IMMT: variants seen among roughly 807,000 people sequenced by gnomAD.
IMMT encodes the protein inner membrane mitochondrial protein.
In IMMT, 40 loss-of-function variants were observed where a neutral mutation model predicts 92.7. The ratio of observed to expected loss-of-function variants is 0.43; its 90% CI spans 0.34 to 0.56. The LOEUF is 0.56. Ranked by LOEUF, IMMT falls within the 20% of genes least tolerant of loss-of-function variation. The probability of loss-of-function intolerance (pLI) is 0.03; values close to 1 mark genes in which losing one functional copy is unlikely to be tolerated. For missense variants in IMMT, 831 were observed against 912.1 expected (o/e 0.91, Z 1.14); for synonymous variants, 322 against 336.1 (o/e 0.96, Z 0.46).
At chr2:86,183,746 A>C (rs1672579833) in intron 1 of IMMT, among the ~76,000 whole-genome samples, 1 of 152,056 alleles carries the variant, frequency 6.6e-6, no homozygotes, top group South Asian at 2.1e-4. Context: ...GACTTTCCCC[A>C]CCTTTACACA....
intron 3 of IMMT, among the ~76,000 whole-genome samples, chr2:86,177,541 CA>C: frequency 6.6e-6 from 1 of 151,712 alleles, no homozygotes; most frequent in Non-Finnish European, 1.5e-5. Flanking sequence ...GCAGAAGTTG[CA>C]GTGATCCGAG....
At chr2:86,173,895 T>C (rs1677262922) in intron 3 of IMMT, 134 bp from the exon 4 acceptor site, 1 of 573,164 alleles carries the variant, frequency 1.7e-6, no homozygotes, top group African/African-American at 1.9e-5. Flanking sequence ...AACATATGTA[T>C]TTTATTAAAC....
chr2:86,147,321 A>C (rs557872269), intron 13 of IMMT, among the ~76,000 whole-genome samples: 1 of 152,338 alleles, frequency 6.6e-6, no homozygotes, highest in South Asian at 2.1e-4. Flanking sequence ...CTTGAATAGA[A>C]ACTATGATTA....
chr2:86,180,150 T>C (rs1672335546), intron 2 of IMMT, among the ~76,000 whole-genome samples: 1 of 152,186 alleles, frequency 6.6e-6, no homozygotes, highest in Non-Finnish European at 1.5e-5. Context: ...TCTAGAAATC[T>C]ACCCTTTAAC....
At chr2:86,189,031 A>T (rs1337025605) in intron 1 of IMMT, among the ~76,000 whole-genome samples, 2 of 152,130 alleles carry the variant, frequency 1.3e-5, no homozygotes, top group Non-Finnish European at 2.9e-5. Context: ...TATTAACATA[A>T]ACTAAATATC....
At chr2:86,172,426 C>T (rs191583736) in intron 4 of IMMT, among the ~76,000 whole-genome samples, 2 of 152,258 alleles carry the variant, frequency 1.3e-5, no homozygotes, top group East Asian at 3.9e-4. Flanking sequence ...TCACTGCAGC[C>T]TCAACCTCCT....
At position 86,162,126 on chromosome 2, in the gene IMMT, C is replaced by T. The variant is rs1481207548; in HGVS notation, c.793-47G>A. ...TATAATAAATAACTGCTATTATTGT[C>T]ATATGATAGGCCAACAAGATTGAAC... On this transcript the variant is annotated intron_variant, in intron 7 of 14. Transcript: ENST00000410111. 6 of 1,177,528 alleles carry T rather than the reference C, an allele frequency of 5.1e-6. No homozygotes were observed. The East Asian group carries it at 1.3e-4, about 26-fold the overall frequency. 72.9% of individuals were successfully genotyped at this position (1,177,528 alleles called of 1,614,324 possible).
rs779833457 is a variant in IMMT at position 86,189,971 on chromosome 2, T to C, written c.45+5367A>G. Among the ~76,000 whole-genome samples the C allele has an allele frequency of 5.3e-5, 8 of 152,362 alleles. No individual in the cohort carries two copies. In the Middle Eastern group the frequency reaches 0.01, roughly 194 times the overall value. ...TAGGAGAACACGTGCTCTTTAGTTATAGAAATGGCAGATACTTATCAGTAT... is the reference window on the plus strand; with the variant it reads ...TAGGAGAACACGTGCTCTTTAGTTACAGAAATGGCAGATACTTATCAGTAT... On this transcript the variant is annotated intron_variant, in intron 1 of 14. Coordinates refer to ENST00000410111, the MANE Select transcript of IMMT (RefSeq NM_006839.3).
chr2:86,184,465 T>C (rs1049987726), intron 1 of IMMT, among the ~76,000 whole-genome samples: 5 of 152,126 alleles, frequency 3.3e-5, no homozygotes, highest in Admixed American at 1.3e-4. Context: ...ATTTACATAA[T>C]TTATATATTA....
At chr2:86,184,787 T>G (rs947426006) in intron 1 of IMMT, among the ~76,000 whole-genome samples, 1 of 151,850 alleles carries the variant, frequency 6.6e-6, no homozygotes, top group Admixed American at 6.6e-5. Context: ...ATTCTTGTTA[T>G]GTAGTGACAG....
At chr2:86,187,279 A>G (rs963009061) in intron 1 of IMMT, among the ~76,000 whole-genome samples, 3 of 152,134 alleles carry the variant, frequency 2.0e-5, no homozygotes, top group African/African-American at 7.2e-5. Context: ...CCTGTTTGAG[A>G]TATTTTGTAT....
chr2:86,177,858 C>G (rs558036848), intron 3 of IMMT, among the ~76,000 whole-genome samples: 1 of 152,240 alleles, frequency 6.6e-6, no homozygotes, highest in South Asian at 2.1e-4. Context: ...ATATAGATGT[C>G]CCCCTCAGTC....
chr2:86,157,794 A>C (rs1675958401), intron 10 of IMMT, among the ~76,000 whole-genome samples: 1 of 132,582 alleles, frequency 7.5e-6, no homozygotes, highest in Non-Finnish European at 1.7e-5. Context: ...GTCTCAAAAA[A>C]AAAAAAAAAG....
At chr2:86,152,759 CA>C (rs398104518) in intron 11 of IMMT, among the ~76,000 whole-genome samples, 2 of 148,198 alleles carry the variant, frequency 1.3e-5, no homozygotes, top group Non-Finnish European at 1.5e-5. Flanking sequence ...GACCTTGTCT[CA>C]AAAAAAAAAG....
At chr2:86,176,978 T>G (rs3770061) in intron 3 of IMMT, among the ~76,000 whole-genome samples, 69,919 of 152,106 alleles carry the variant, frequency 0.46, 16,622 homozygotes, top group Non-Finnish European at 0.51. Flanking sequence ...TATGGACATT[T>G]TAAAGTCCAT....
intron 6 of IMMT, 56 bp from the exon 7 acceptor site, chr2:86,166,700 A>G (rs964718195): frequency 8.7e-6 from 13 of 1,494,732 alleles, no homozygotes; most frequent in Non-Finnish European, 9.8e-6. Context: ...AAATGACTTT[A>G]AACTTTTGCT....
chr2:86,193,703 G>A (rs1673334141), intron 1 of IMMT, among the ~76,000 whole-genome samples: 1 of 152,152 alleles, frequency 6.6e-6, no homozygotes, highest in Non-Finnish European at 1.5e-5. Flanking sequence ...GCCTCATAAA[G>A]CAGCAATGTC....
At position 86,153,304 on chromosome 2, in the gene IMMT, T is replaced by TACACACACACACACACAC. The variant is rs10572745; in HGVS notation, c.1177+238_1177+255dup. 2.5e-4 allele frequency among the ~76,000 whole-genome samples: 36 copies of TACACACACACACACACAC among 143,936 alleles called. 1 individual carries two copies. Among genetic ancestry groups the TACACACACACACACACAC allele is most frequent in the African/African-American group, 9.0e-4 (34 of 37,670 alleles). The allele number at this position is 143,936 out of a possible 152,430, so 94.4% of individuals were successfully genotyped here. On this transcript the variant is annotated intron_variant, in intron 11 of 14. Coordinates refer to ENST00000410111, the MANE Select transcript of IMMT (RefSeq NM_006839.3). ...CAAAGTAATCAGTTACAATCCATAT[T>TACACACACACACACACAC]ACACACACACACACACACACACACA...
intron 10 of IMMT, among the ~76,000 whole-genome samples, chr2:86,157,578 G>T (rs1294902605): frequency 1.3e-5 from 2 of 152,028 alleles, no homozygotes; most frequent in Non-Finnish European, 2.9e-5. Context: ...TTGAGGTCAG[G>T]AGTTCAAAAC....
Sources: allele counts gnomAD v4.1 joint callset (sites outside exome capture counted in the v4.1 genomes callset), GRCh38; gene constraint gnomAD v4.1.1; transcripts MANE v1.5; gene names NCBI Gene and HGNC (gene_info 2026-07-23, HGNC 2026-07-21).